CNTNAP5: variants seen among roughly 807,000 people sequenced by gnomAD.
CNTNAP5 encodes contactin-associated protein-like 5.
A neutral mutation model predicts 150.2 loss-of-function variants in CNTNAP5; 72 were observed. The observed-to-expected ratio is 0.48, with a 90% CI of 0.40 to 0.58. The LOEUF (loss-of-function observed/expected upper bound fraction) is 0.58. Ranked by LOEUF, CNTNAP5 falls within the 20% of genes least tolerant of loss-of-function variation. The probability of loss-of-function intolerance (pLI) is 0.00; values close to 1 mark genes in which losing one functional copy is unlikely to be tolerated. For synonymous variants in CNTNAP5, 672 were observed against 619.8 expected (o/e 1.08, Z -1.25); for missense variants, 1,636 against 1,626.2 (o/e 1.01, Z -0.10).
intron 7 of CNTNAP5, among the ~76,000 whole-genome samples, chr2:124,476,571 C>T (rs1331832557): frequency 6.6e-5 from 10 of 152,234 alleles, no homozygotes; most frequent in East Asian, 1.9e-4. Flanking sequence ...AGCTCAGTAG[C>T]GGCAGAAGTC....
intron 12 of CNTNAP5, among the ~76,000 whole-genome samples, chr2:124,612,572 G>A (rs954468762): frequency 6.6e-6 from 1 of 152,122 alleles, no homozygotes; most frequent in African/African-American, 2.4e-5. Context: ...AAAGGTGAGT[G>A]TGTACTTGTA....
At chr2:124,487,405 A>T (rs1693910324) in intron 7 of CNTNAP5, among the ~76,000 whole-genome samples, 1 of 152,174 alleles carries the variant, frequency 6.6e-6, no homozygotes, top group Admixed American at 6.5e-5. Context: ...GTCTGACAGA[A>T]ATTTCGTATC....
chr2:124,368,063 G>T (rs1179321983), intron 3 of CNTNAP5, among the ~76,000 whole-genome samples: 1 of 152,126 alleles, frequency 6.6e-6, no homozygotes, highest in African/African-American at 2.4e-5. Flanking sequence ...TCCCATATAA[G>T]TAAGGTTGCA....
intron 19 of CNTNAP5, among the ~76,000 whole-genome samples, chr2:124,848,075 G>T (rs896387644): frequency 1.3e-5 from 2 of 152,008 alleles, no homozygotes; most frequent in African/African-American, 4.8e-5. Context: ...ACTGTGTAAT[G>T]GTTACCACAA....
chr2:124,270,089 G>A (rs183759377), intron 3 of CNTNAP5, among the ~76,000 whole-genome samples: 1 of 152,268 alleles, frequency 6.6e-6, no homozygotes, highest in Admixed American at 6.5e-5. Context: ...GCCGAGGCGG[G>A]TGGATCACCT....
rs1056796917 is a variant in CNTNAP5 at position 124,361,290 on chromosome 2, A to C, written c.382-56153A>C. On this transcript the variant is annotated intron_variant, in intron 3 of 23. Coordinates refer to ENST00000682447, the MANE Select transcript of CNTNAP5 (RefSeq NM_001367498.1). ...TAGCTCAGAGTAATTTGATCATCTG[A>C]AGCCTCCTTCTCTCAGCTCATCAAA... 2.8e-5 allele frequency among the ~76,000 whole-genome samples: 4 copies of C among 144,146 alleles called. 1 individual carries two copies. Among genetic ancestry groups the C allele is most frequent in the Admixed American group, 7.1e-5 (1 of 14,172 alleles). The allele number at this position is 144,146 out of a possible 152,430, so 94.6% of individuals were successfully genotyped here.
chr2:124,121,839 C>T (rs1164872574), intron 1 of CNTNAP5, among the ~76,000 whole-genome samples: 1 of 152,126 alleles, frequency 6.6e-6, no homozygotes, highest in Non-Finnish European at 1.5e-5. Flanking sequence ...GTGTATCAAA[C>T]AATTTAGCAC....
At chr2:124,588,719 A>C (rs986600870) in intron 11 of CNTNAP5, among the ~76,000 whole-genome samples, 2 of 152,176 alleles carry the variant, frequency 1.3e-5, no homozygotes, top group Admixed American at 6.5e-5. Context: ...AGTCACAACA[A>C]CATTCTCTAC....
rs3039905 is a variant in CNTNAP5, at chr2:124,627,522, CAAAAA to C, written c.1876+17614_1876+17618del. 3.3e-3 allele frequency among the ~76,000 whole-genome samples: 435 copies of C among 131,930 alleles called. 4 individuals are homozygous for C. Among genetic ancestry groups the C allele is most frequent in the Non-Finnish European group, 2.9e-3 (184 of 63,480 alleles). 86.6% of individuals were successfully genotyped at this position (131,930 alleles called of 152,430 possible). Reference sequence around the variant, plus strand: ...AACAAACAGAAAGCAACAACAACATCAAAAAAAAAAAAAAAAGACCCCACAAAAAC... The same window carrying C: ...AACAAACAGAAAGCAACAACAACATCAAAAAAAAAAAGACCCCACAAAAAC... On this transcript the variant is annotated intron_variant, in intron 12 of 23. Coordinates refer to ENST00000682447, the MANE Select transcript of CNTNAP5 (RefSeq NM_001367498.1).
rs960359286 is a variant in CNTNAP5, at chr2:124,484,375, G to T, written c.1062+9493G>T. ...ATACGGTCAGGAAATATATATGGAT[G>T]AAGGCACTAGGTGTTGAGGAAGAGA... On this transcript the variant is annotated intron_variant, in intron 7 of 23. Transcript: ENST00000682447. Among the ~76,000 whole-genome samples, 3 of 152,204 alleles carry T rather than the reference G, an allele frequency of 2.0e-5. No individual in the cohort carries two copies. The East Asian group carries it at 5.8e-4, about 29-fold the overall frequency.
At chr2:124,640,438 C>T (rs912148027) in intron 12 of CNTNAP5, among the ~76,000 whole-genome samples, 3 of 152,210 alleles carry the variant, frequency 2.0e-5, no homozygotes, top group African/African-American at 4.8e-5. Flanking sequence ...TAATGCAGAG[C>T]GCATGGTAGC....
intron 1 of CNTNAP5, among the ~76,000 whole-genome samples, chr2:124,136,113 C>T (rs1454905580): frequency 2.0e-5 from 3 of 152,162 alleles, no homozygotes; most frequent in African/African-American, 4.8e-5. Context: ...AATAGAGACA[C>T]CTATTTTTTC....
At chr2:124,713,855 GCTC>G (rs751135641) in intron 13 of CNTNAP5, among the ~76,000 whole-genome samples, 2 of 152,046 alleles carry the variant, frequency 1.3e-5, no homozygotes, top group African/African-American at 2.4e-5. Flanking sequence ...GGAGCATGAG[GCTC>G]ATCAACACCT....
chr2:124,586,418 G>A (rs115178681), intron 11 of CNTNAP5, among the ~76,000 whole-genome samples: 3,219 of 152,278 alleles, frequency 0.021, 118 homozygotes, highest in African/African-American at 0.071. Context: ...CCAGGAGCGG[G>A]TGCTGGCCTG....
At chr2:124,642,521 A>T (rs952728884) in intron 12 of CNTNAP5, among the ~76,000 whole-genome samples, 1 of 152,036 alleles carries the variant, frequency 6.6e-6, no homozygotes, top group East Asian at 1.9e-4. Context: ...ATGAAAGACC[A>T]CTCTTGACCT....
At chr2:124,909,518 A>T (rs1180808495) in intron 22 of CNTNAP5, among the ~76,000 whole-genome samples, 2 of 152,088 alleles carry the variant, frequency 1.3e-5, no homozygotes, top group Non-Finnish European at 2.9e-5. Context: ...AAGAAGCAGG[A>T]GGCATTTTAA....
chr2:124,838,475 G>A (rs1682875714), intron 19 of CNTNAP5, among the ~76,000 whole-genome samples: 1 of 152,166 alleles, frequency 6.6e-6, no homozygotes, highest in Admixed American at 6.6e-5. Context: ...TTTGAAAGGG[G>A]TGTCTTATGA....
chr2:124,896,314 C>G (rs994741649), intron 21 of CNTNAP5, among the ~76,000 whole-genome samples: 3 of 151,280 alleles, frequency 2.0e-5, no homozygotes, highest in Non-Finnish European at 4.4e-5. Flanking sequence ...TGATTAGATG[C>G]CATTATTGTT....
intron 3 of CNTNAP5, among the ~76,000 whole-genome samples, chr2:124,290,134 G>A (rs998597356): frequency 5.3e-5 from 8 of 152,010 alleles, no homozygotes; most frequent in Non-Finnish European, 1.0e-4. Flanking sequence ...TATTAGGCCG[G>A]GTAGATCGCT....
Sources: allele counts gnomAD v4.1 joint callset (sites outside exome capture counted in the v4.1 genomes callset), GRCh38; gene constraint gnomAD v4.1.1; transcripts MANE v1.5; gene names NCBI Gene and HGNC (gene_info 2026-07-23, HGNC 2026-07-21).